MTHFD2L: variants seen among roughly 807,000 people sequenced by gnomAD.
MTHFD2L encodes the protein bifunctional methylenetetrahydrofolate dehydrogenase/cyclohydrolase 2, mitochondrial.
In MTHFD2L, 29 loss-of-function variants were observed where a neutral mutation model predicts 34.9. The ratio of observed to expected loss-of-function variants is 0.83; its 90% CI spans 0.62 to 1.13. The LOEUF (loss-of-function observed/expected upper bound fraction) is 1.13, where lower values mean the gene tolerates loss of function less well. Ranked by LOEUF, MTHFD2L falls within the 50% of genes most tolerant of loss-of-function variation. MTHFD2L has a pLI of 0.00. For synonymous variants in MTHFD2L, 167 were observed against 155.7 expected, an observed-to-expected ratio of 1.07 and a Z score of -0.54; for missense variants, 481 against 446.5, an observed-to-expected ratio of 1.08 and a Z score of -0.70.
chr4:74,246,612 G>T (rs569822406), intron 6 of MTHFD2L, among the ~76,000 whole-genome samples: 2 of 152,228 alleles, frequency 1.3e-5, no homozygotes, highest in African/African-American at 4.8e-5. Context: ...ACAGTTTTAG[G>T]TCTAACATTT....
chr4:74,276,281 C>A (rs994357472), intron 6 of MTHFD2L, among the ~76,000 whole-genome samples: 1 of 152,028 alleles, frequency 6.6e-6, no homozygotes, highest in African/African-American at 2.4e-5. Context: ...TCTTTCTGAG[C>A]AAGAGTTTCC....
At chr4:74,231,518 A>G (rs574115016) in intron 6 of MTHFD2L, among the ~76,000 whole-genome samples, 10 of 151,962 alleles carry the variant, frequency 6.6e-5, no homozygotes, top group African/African-American at 2.4e-4. Context: ...CTCATTTCTT[A>G]TTTGTTATTG....
At chr4:74,289,681 G>A (rs992232673) in intron 7 of MTHFD2L, among the ~76,000 whole-genome samples, 3 of 152,126 alleles carry the variant, frequency 2.0e-5, no homozygotes, top group African/African-American at 7.2e-5. Context: ...GATGGGGCGT[G>A]GACCAGGTTG....
chr4:74,166,334 T>C (rs1221443331), intron 1 of MTHFD2L, among the ~76,000 whole-genome samples: 1 of 152,232 alleles, frequency 6.6e-6, no homozygotes, highest in Non-Finnish European at 1.5e-5. Flanking sequence ...TCTTTGCCTC[T>C]GTTGTTAAAT....
At chr4:74,156,465 C>T (rs1455760108), upstream of MTHFD2L, 1 of 152,088 alleles carries the variant, frequency 6.6e-6, no homozygotes, top group Non-Finnish European at 1.5e-5. Context: ...TATTTCACCG[C>T]TTATTTAAGA....
Position 74,298,738 on chromosome 4 carries a change from TTTC to T in MTHFD2L, c.932-2956_932-2954del, listed in dbSNP as rs547250044. On this transcript the variant is annotated intron_variant, in intron 7 of 7. Transcript: ENST00000325278. ...ATATATTAGAATCTTTTCCTCTTCA[TTTC>T]TTTTTTCCAGAATATCCTGCTAACA... 6.4e-3 allele frequency among the ~76,000 whole-genome samples: 979 copies of T among 152,162 alleles called. 5 individuals are homozygous for T. Among genetic ancestry groups the T allele is most frequent in the Admixed American group, 0.01 (158 of 15,242 alleles).
chr4:74,258,905 T>A (rs890409088), intron 6 of MTHFD2L, among the ~76,000 whole-genome samples: 4 of 151,994 alleles, frequency 2.6e-5, no homozygotes, highest in African/African-American at 9.6e-5. Context: ...CAGTCCCCAG[T>A]AAAAAAAATA....
At chr4:74,229,164 A>G (rs1739637534) in intron 6 of MTHFD2L, among the ~76,000 whole-genome samples, 2 of 152,192 alleles carry the variant, frequency 1.3e-5, no homozygotes, top group South Asian at 2.1e-4. Flanking sequence ...ATAAGAAACA[A>G]CTAAAGATTG....
At chr4:74,119,505 C>G (rs376269333), upstream of MTHFD2L, among the ~76,000 whole-genome samples, 2 of 152,116 alleles carry the variant, frequency 1.3e-5, no homozygotes, top group African/African-American at 4.8e-5. Flanking sequence ...AAATACTGGC[C>G]GGGCGCGGTG....
Position 74,189,485 on chromosome 4 carries a change from C to CCTTTTTTTTTTTT in MTHFD2L, c.452-10309_452-10308insCTTTTTTTTTTTT, listed in dbSNP as rs1168720652. ...CATTGAGCAAGCAGTGTTTTTCTTC[C>CCTTTTTTTTTTTT]TTTTTTTTTTTTTTTTTTTTTTTTT... On this transcript the variant is annotated intron_variant, in intron 3 of 7. Transcript: ENST00000325278. 4.2e-4 allele frequency among the ~76,000 whole-genome samples: 50 copies of CCTTTTTTTTTTTT among 119,784 alleles called. 2 individuals carry two copies. Among genetic ancestry groups the CCTTTTTTTTTTTT allele is most frequent in the South Asian group, 3.6e-3 (13 of 3,638 alleles). 78.6% of individuals were successfully genotyped at this position (119,784 alleles called of 152,430 possible).
Position 74,225,325 on chromosome 4 carries a change from C to T in MTHFD2L, c.736C>T (p.His246Tyr). ...PGGDATVTIA[H>Y]RYTPKEQLKI... The stretch of plus-strand genomic sequence containing the variant: ...AGGTGATGCAACTGTGACAATAGCT[C>T]ACAGATACACCCCCAAAGAGCAACT... The change falls in exon 6 of 8, where the codon CAC becomes TAC. Residue 246 changes from histidine to tyrosine, a missense_variant. Coordinates refer to ENST00000325278, the MANE Select transcript of MTHFD2L (RefSeq NM_001144978.3). 6.2e-7 allele frequency: 1 copy of T among 1,612,934 alleles called. No individual in the cohort carries two copies. Among genetic ancestry groups the T allele is most frequent in the Non-Finnish European group, 8.5e-7 (1 of 1,179,252 alleles).
intron 3 of MTHFD2L, among the ~76,000 whole-genome samples, chr4:74,191,420 T>C (rs2110022323): frequency 6.6e-6 from 1 of 151,868 alleles, no homozygotes; most frequent in Non-Finnish European, 1.5e-5. Flanking sequence ...GAAACATGAA[T>C]CTTTCACCTT....
intron 6 of MTHFD2L, among the ~76,000 whole-genome samples, chr4:74,250,216 C>T (rs182874129): frequency 5.7e-4 from 87 of 152,162 alleles, no homozygotes; most frequent in Non-Finnish European, 1.2e-3. Flanking sequence ...CTTCTTGCTT[C>T]GGATTTTCAA....
chr4:74,239,870 A>G (rs1254632097), intron 6 of MTHFD2L, among the ~76,000 whole-genome samples: 1 of 152,190 alleles, frequency 6.6e-6, no homozygotes, highest in Non-Finnish European at 1.5e-5. Context: ...ATTTTAACAA[A>G]AGTCAGAAAG....
At chr4:74,184,490 T>C (rs1449781852) in intron 3 of MTHFD2L, among the ~76,000 whole-genome samples, 1 of 152,150 alleles carries the variant, frequency 6.6e-6, no homozygotes, top group East Asian at 1.9e-4. Flanking sequence ...TAATATCTTA[T>C]ATACCTAATA....
intron 5 of MTHFD2L, among the ~76,000 whole-genome samples, chr4:74,203,549 C>T (rs1734798460): frequency 6.6e-6 from 1 of 152,162 alleles, no homozygotes; most frequent in African/African-American, 2.4e-5. Flanking sequence ...ACGAAGGCCT[C>T]AGGAAATGTA....
intron 1 of MTHFD2L, among the ~76,000 whole-genome samples, chr4:74,172,298 A>T (rs1023521077): frequency 2.0e-5 from 3 of 152,148 alleles, no homozygotes; most frequent in Admixed American, 6.6e-5. Flanking sequence ...CATATATTAA[A>T]ACTTAAACTT....
intron 6 of MTHFD2L, among the ~76,000 whole-genome samples, chr4:74,277,985 A>G (rs1746909532): frequency 6.6e-6 from 1 of 152,088 alleles, no homozygotes; most frequent in Admixed American, 6.6e-5. Flanking sequence ...CTTGCACCAA[A>G]CTATAAATCA....
At chr4:74,157,076 G>A (rs1294596834), upstream of MTHFD2L, 1 of 152,176 alleles carries the variant, frequency 6.6e-6, no homozygotes, top group African/African-American at 2.4e-5. Context: ...TGATTTAAGT[G>A]TTTTATCTAA....
Sources: allele counts gnomAD v4.1 joint callset (sites outside exome capture counted in the v4.1 genomes callset), GRCh38; gene constraint gnomAD v4.1.1; transcripts MANE v1.5; gene names NCBI Gene and HGNC (gene_info 2026-07-23, HGNC 2026-07-21).